The following BRINP3 variants were observed in gnomAD, a reference collection of about 807,000 sequenced individuals.
BRINP3 encodes the protein BMP/retinoic acid-inducible neural-specific protein 3.
BRINP3 carries 19 observed loss-of-function variants against 71.0 expected under a neutral mutation model. The observed-to-expected ratio is 0.27, with a 90% CI of 0.19 to 0.39. The LOEUF (loss-of-function observed/expected upper bound fraction) is 0.39. Among genes scored for constraint, BRINP3 ranks in the 10% least tolerant of loss-of-function variants. BRINP3 has a pLI of 1.00. For missense variants in BRINP3, 959 were observed against 940.8 expected, an observed-to-expected ratio of 1.02 and a Z score of -0.25; for synonymous variants, 380 against 337.7, an observed-to-expected ratio of 1.13 and a Z score of -1.37.
In BRINP3 at chr1:190,326,849, C is replaced by T. The variant is rs775448212; in HGVS notation, c.237-45099G>A. Among the ~76,000 whole-genome samples, 8 of 151,972 alleles carry T rather than the reference C, an allele frequency of 5.3e-5. No homozygotes were observed. In the East Asian group the frequency reaches 9.7e-4, roughly 18 times the overall value. ...AATGATAGCCACTACTGCAAAAACA[C>T]GCTTAAGTACATAGCCCACAGACCC... On this transcript the variant is annotated intron_variant, in intron 2 of 7. Coordinates refer to ENST00000367462, the MANE Select transcript of BRINP3 (RefSeq NM_199051.3).
chr1:190,229,645 A>AAAAC (rs1657756459), intron 5 of BRINP3, among the ~76,000 whole-genome samples: 1 of 133,414 alleles, frequency 7.5e-6, no homozygotes, highest in Non-Finnish European at 1.6e-5. Context: ...AACAAAACAA[A>AAAAC]ACACACACAC....
chr1:190,460,352 T>C (rs200429286), intron 1 of BRINP3, among the ~76,000 whole-genome samples: 1 of 151,452 alleles, frequency 6.6e-6, no homozygotes, highest in East Asian at 1.9e-4. Flanking sequence ...TATTTTTTGA[T>C]TATTCATTTA....
chr1:190,321,998 T>C (rs1558180509), intron 2 of BRINP3, among the ~76,000 whole-genome samples: 1 of 152,018 alleles, frequency 6.6e-6, no homozygotes, highest in Admixed American at 6.6e-5. Flanking sequence ...GAAATATATA[T>C]AAGATTTTTT....
At chr1:190,338,712 C>A (rs1324345215) in intron 2 of BRINP3, among the ~76,000 whole-genome samples, 1 of 151,588 alleles carries the variant, frequency 6.6e-6, no homozygotes, top group Non-Finnish European at 1.5e-5. Context: ...TCTTGCTTAC[C>A]TGTACTATCT....
Position 190,098,768 on chromosome 1 carries a change from A to G in BRINP3, c.1551T>C (p.Asn517=). The G allele has an allele frequency of 6.2e-7, 1 of 1,614,212 alleles. No individual in the cohort carries two copies. Among genetic ancestry groups the G allele is most frequent in the Non-Finnish European group, 8.5e-7 (1 of 1,180,036 alleles). The part of the protein sequence containing the change: ...RIEVHAIFIS[N]DMRLNSWFDP... Reference sequence around the variant, plus strand: ...CAAACCAGCTATTGAGGCGCATGTCATTGCTGATAAAAATGGCATGGACTT... The same window carrying G: ...CAAACCAGCTATTGAGGCGCATGTCGTTGCTGATAAAAATGGCATGGACTT... The change falls in exon 8 of 8, where the codon AAT becomes AAC. Residue 517 remains asparagine (N), a synonymous_variant. Transcript: ENST00000367462.
At chr1:190,125,572 T>C (rs1419763250) in intron 7 of BRINP3, among the ~76,000 whole-genome samples, 1 of 151,978 alleles carries the variant, frequency 6.6e-6, no homozygotes, top group Non-Finnish European at 1.5e-5. Context: ...CATGGTTCAT[T>C]TGATTATCTT....
chr1:190,314,705 C>G (rs530571579), intron 2 of BRINP3, among the ~76,000 whole-genome samples: 1 of 152,230 alleles, frequency 6.6e-6, no homozygotes, highest in South Asian at 2.1e-4. Flanking sequence ...GCCCCCAAAA[C>G]TATAAGATAA....
chr1:190,453,459 C>T (rs141815806), intron 2 of BRINP3, among the ~76,000 whole-genome samples: 2,647 of 151,732 alleles, frequency 0.017, 76 homozygotes, highest in African/African-American at 0.06. Flanking sequence ...CCTCGTGATC[C>T]GCCCGTCTCT....
intron 2 of BRINP3, among the ~76,000 whole-genome samples, chr1:190,287,255 T>C (rs1311013112): frequency 2.6e-5 from 4 of 151,766 alleles, no homozygotes; most frequent in Admixed American, 1.3e-4. Flanking sequence ...ATTCTTACCA[T>C]ATAGCTTCAA....
intron 2 of BRINP3, among the ~76,000 whole-genome samples, chr1:190,404,170 G>C (rs1672115823): frequency 6.6e-6 from 1 of 152,062 alleles, no homozygotes; most frequent in East Asian, 1.9e-4. Flanking sequence ...ATCCTCTATA[G>C]TTTTGTTATT....
At chr1:190,409,918 A>G (rs1672551999) in intron 2 of BRINP3, among the ~76,000 whole-genome samples, 1 of 152,200 alleles carries the variant, frequency 6.6e-6, no homozygotes, top group African/African-American at 2.4e-5. Context: ...CACCTAAGGC[A>G]TGATGAGCAA....
chr1:190,404,393 G>A (rs1672129847), intron 2 of BRINP3, among the ~76,000 whole-genome samples: 1 of 152,012 alleles, frequency 6.6e-6, no homozygotes, highest in South Asian at 2.1e-4. Context: ...AAAGAACCTG[G>A]CCAAAATTAT....
chr1:190,279,492 C>A (rs74857045), intron 3 of BRINP3, among the ~76,000 whole-genome samples: 1 of 151,726 alleles, frequency 6.6e-6, no homozygotes, highest in Admixed American at 6.6e-5. Flanking sequence ...GCCTAAAAGA[C>A]GGGGAGGGAG....
chr1:190,395,341 T>C (rs532613694), intron 2 of BRINP3, among the ~76,000 whole-genome samples: 1 of 151,712 alleles, frequency 6.6e-6, no homozygotes, highest in Non-Finnish European at 1.5e-5. Flanking sequence ...AAAACCTCCA[T>C]AAGTACAGCT....
intron 1 of BRINP3, among the ~76,000 whole-genome samples, chr1:190,458,470 T>C (rs1676159156): frequency 6.6e-6 from 1 of 152,074 alleles, no homozygotes; most frequent in Admixed American, 6.5e-5. Context: ...TTAAACTCAA[T>C]ATTCACCATC....
chr1:190,126,569 A>C (rs963205652), intron 7 of BRINP3, among the ~76,000 whole-genome samples: 15 of 151,932 alleles, frequency 9.9e-5, no homozygotes, highest in Non-Finnish European at 1.2e-4. Context: ...GTTAATTCCC[A>C]GTTCACTGAC....
intron 6 of BRINP3, among the ~76,000 whole-genome samples, chr1:190,193,176 T>A (rs1262985830): frequency 6.6e-6 from 1 of 152,026 alleles, no homozygotes; most frequent in East Asian, 1.9e-4. Flanking sequence ...AATGACTTAA[T>A]GGGCTTCCTT....
chr1:190,360,244 C>T (rs1388819341), intron 2 of BRINP3, among the ~76,000 whole-genome samples: 2 of 152,158 alleles, frequency 1.3e-5, no homozygotes, highest in East Asian at 1.9e-4. Flanking sequence ...ATTTAAACCA[C>T]TAATGTTCTC....
intron 2 of BRINP3, among the ~76,000 whole-genome samples, chr1:190,416,465 G>C (rs1204549014): frequency 6.6e-6 from 1 of 152,074 alleles, no homozygotes; most frequent in Non-Finnish European, 1.5e-5. Flanking sequence ...AGCACATTGT[G>C]TGTGCTCAAG....
Sources: allele counts gnomAD v4.1 joint callset (sites outside exome capture counted in the v4.1 genomes callset), GRCh38; gene constraint gnomAD v4.1.1; transcripts MANE v1.5; gene names NCBI Gene and HGNC (gene_info 2026-07-23, HGNC 2026-07-21).